The following ARFGAP1 variants were observed in gnomAD, a reference collection of about 807,000 sequenced individuals.
ARFGAP1 encodes the protein ADP-ribosylation factor GTPase-activating protein 1.
ARFGAP1 carries 26 observed loss-of-function variants against 54.0 expected under a neutral mutation model. That is an observed-to-expected ratio of 0.48 (90% confidence interval 0.35 to 0.67). The LOEUF (loss-of-function observed/expected upper bound fraction) is 0.67. Among genes scored for constraint, ARFGAP1 ranks in the 30% least tolerant of loss-of-function variants. ARFGAP1 has a pLI of 0.00. For missense variants in ARFGAP1, 525 were observed against 535.8 expected (o/e 0.98, Z 0.20); for synonymous variants, 248 against 211.9 (o/e 1.17, Z -1.48).
At chr20:63,277,387 C>T in intron 5 of ARFGAP1, 82 bp downstream of exon 5, 2 of 1,229,454 alleles carry the variant, frequency 1.6e-6, no homozygotes, top group Non-Finnish European at 2.2e-6. Flanking sequence ...GAATTCTCCC[C>T]TTCTTTGCTG....
At chr20:63,286,311 A>G in intron 11 of ARFGAP1, 55 bp from the exon 12 acceptor site, 1 of 1,604,966 alleles carries the variant, frequency 6.2e-7, no homozygotes, top group African/African-American at 1.3e-5. Context: ...GGGCCTCCTG[A>G]AGCTGCCTGT....
In ARFGAP1 at chr20:63,288,877, G is replaced by A. The variant is rs976035218; in HGVS notation, c.*1004G>A. 4 of 275,940 alleles carry A rather than the reference G, an allele frequency of 1.4e-5. No homozygotes were observed. The highest frequency in any genetic ancestry group is 3.8e-5 in the South Asian group (1 of 26,116). The allele number at this position is 275,940 out of a possible 1,614,324, so 17.1% of individuals were successfully genotyped here. ...GTCTTGGCCAGCCATGCATGCGCCC[G>A]AAGCTCGTGCAGTTTGTACGTGAGG... is the stretch of plus-strand genomic sequence containing the variant. On this transcript the variant is annotated 3_prime_UTR_variant, in exon 13 of 13. Transcript: ENST00000370283.
chr20:63,276,050 G>T lies in ARFGAP1; in HGVS notation c.61-41G>T, dbSNP rs1033628969. The T allele has an allele frequency of 1.9e-6, 3 of 1,590,318 alleles. No individual in the cohort carries two copies. Among genetic ancestry groups the T allele is most frequent in the Non-Finnish European group, 1.7e-6 (2 of 1,159,566 alleles). ...CGGGTCTTTGGGGTCCCTGGGCTCT[G>T]CCCTGAGCCACCTGGTGAGTCACTT... On this transcript the variant is annotated intron_variant, in intron 2 of 12. Transcript: ENST00000370283. The surrounding 1 kb of genome is among the most constrained non-coding windows in gnomAD (Gnocchi z 5.2).
chr20:63,273,696 C>T (rs745944572), intron 1 of ARFGAP1, among the ~76,000 whole-genome samples: 1 of 152,190 alleles, frequency 6.6e-6, no homozygotes, highest in South Asian at 2.1e-4. Flanking sequence ...GAAATTCCAG[C>T]CGTCTCCTCA....
chr20:63,286,326 C>A, intron 11 of ARFGAP1, 40 bp from the exon 12 acceptor site: 1 of 1,607,784 alleles, frequency 6.2e-7, no homozygotes, highest in Non-Finnish European at 8.5e-7. Flanking sequence ...GCCTGTGCCG[C>A]GACAGGGCCT....
rs2067378872 is a variant in ARFGAP1, at chr20:63,281,447, C to T, written c.684+100C>T. ...TGGGAGCTGCAGAAGGGATGTGGGACACAGAGGGTTTCTGGGTGCTGTAAC... is the reference window on the plus strand; with the variant it reads ...TGGGAGCTGCAGAAGGGATGTGGGATACAGAGGGTTTCTGGGTGCTGTAAC... On this transcript the variant is annotated intron_variant, in intron 8 of 12. Transcript: ENST00000370283. The T allele has an allele frequency of 4.3e-6, 6 of 1,402,832 alleles. No homozygotes were observed. In the East Asian group the frequency reaches 1.5e-4, roughly 35 times the overall value. 86.9% of individuals were successfully genotyped at this position (1,402,832 alleles called of 1,614,324 possible). A position where few individuals can be genotyped will look rare whatever the true frequency, so the allele number is the denominator to read the frequency against.
At chr20:63,283,677 G>T in intron 9 of ARFGAP1, 1 of 640,674 alleles carries the variant, frequency 1.6e-6, no homozygotes, top group East Asian at 2.9e-5. Flanking sequence ...GTTTCTGAAG[G>T]TGGTGGTCAG....
rs770255541 is a variant in ARFGAP1 at position 63,284,913 on chromosome 20, G to T, written c.765G>T (p.Ala255=). ...TGAACGAGAACGTCCTCAAGCCTGC[G>T]CAGGAGAAGGTAACGGGCAGCTCCG... ...HSLNENVLKP[A]QEKVKEGKIF... Residue 255 remains alanine, a synonymous_variant, in exon 10 of 13, where the codon GCG becomes GCT. Transcript: ENST00000370283. 5 of 1,613,192 alleles carry T rather than the reference G, an allele frequency of 3.1e-6. No individual in the cohort carries two copies. Among genetic ancestry groups the T allele is most frequent in the Admixed American group, 1.7e-5 (1 of 59,998 alleles).
chr20:63,287,987 C>A lies in ARFGAP1; in HGVS notation c.*114C>A. The A allele has an allele frequency of 8.0e-7, 1 of 1,254,678 alleles. No homozygotes were observed. The highest frequency in any genetic ancestry group is 1.1e-6 in the Non-Finnish European group (1 of 931,956). 77.7% of individuals were successfully genotyped at this position (1,254,678 alleles called of 1,614,324 possible). A position where few individuals can be genotyped will look rare whatever the true frequency, so the allele number is the denominator to read the frequency against. ...AGAATCAGCAACTGCAGTGTGAGGA[C>A]AGCGTCTCGGGAGGCAGGACCCTAG... On this transcript the variant is annotated 3_prime_UTR_variant, in exon 13 of 13. Transcript: ENST00000370283.
intron 8 of ARFGAP1, 105 bp downstream of exon 8, chr20:63,281,452 A>T: frequency 7.2e-7 from 1 of 1,387,980 alleles, no homozygotes; most frequent in South Asian, 1.3e-5. Flanking sequence ...TGGGACACAG[A>T]GGGTTTCTGG....
In ARFGAP1 at chr20:63,286,285, G is replaced by T. The variant is rs1243561337; in HGVS notation, c.835-81G>T. 4 of 1,595,024 alleles carry T rather than the reference G, an allele frequency of 2.5e-6. No homozygotes were observed. In the Admixed American group the frequency reaches 5.1e-5, roughly 20 times the overall value. ...GGGTCTTCTCAGCGGGACGGCGCGT[G>T]CCGGCTTGCGTGTGGGGGCCTCCTG... On this transcript the variant is annotated intron_variant, in intron 11 of 12. Transcript: ENST00000370283.
At chr20:63,286,495 T>C in intron 12 of ARFGAP1, 53 bp downstream of exon 12, 2 of 1,546,088 alleles carry the variant, frequency 1.3e-6, no homozygotes, top group Non-Finnish European at 1.8e-6. Flanking sequence ...CCTTGGCCAC[T>C]CCTCCTACAG....
intron 1 of ARFGAP1, chr20:63,273,190 C>T (rs1162551044): frequency 6.8e-6 from 1 of 146,110 alleles, no homozygotes; most frequent in African/African-American, 2.5e-5. Context: ...CCCTTCCGTA[C>T]GAAGCTGCCC....
At chr20:63,284,156 C>G (rs1015118007) in intron 9 of ARFGAP1, 1 of 1,318,970 alleles carries the variant, frequency 7.6e-7, no homozygotes, top group Middle Eastern at 2.9e-4. Context: ...ACCCCCAACG[C>G]AGGCCTGCTG....
At chr20:63,275,415 G>A (rs2067209944) in intron 1 of ARFGAP1, among the ~76,000 whole-genome samples, 162 bp from the exon 2 acceptor site, 1 of 152,190 alleles carries the variant, frequency 6.6e-6, no homozygotes, top group South Asian at 2.1e-4. Flanking sequence ...AGTGGTCCCT[G>A]CGGACCCCTG....
chr20:63,277,800 G>C (rs2067272410), intron 5 of ARFGAP1, among the ~76,000 whole-genome samples: 2 of 152,244 alleles, frequency 1.3e-5, no homozygotes, highest in Non-Finnish European at 2.9e-5. Flanking sequence ...GGAAGGCTTT[G>C]CACTGCGGGC....
In ARFGAP1 at chr20:63,287,615, C is replaced by T. The variant is rs1442022522; in HGVS notation, c.963C>T (p.Asn321=). ...ACAGCGGTCTGGACCACTTCCAAAA[C>T]AGCAACATAGACCAGAGCTTCTGGG... The part of the protein sequence containing the change: ...YQNSGLDHFQ[N]SNIDQSFWET... The change falls in exon 13 of 13, where the codon AAC becomes AAT. Residue 321 remains asparagine, a synonymous_variant. Coordinates refer to ENST00000370283, the MANE Select transcript of ARFGAP1 (RefSeq NM_018209.4). 2 of 1,612,008 alleles carry T rather than the reference C, an allele frequency of 1.2e-6. No homozygotes were observed. The highest frequency in any genetic ancestry group is 2.2e-5 in the South Asian group (2 of 91,058).
At chr20:63,280,665 G>A (rs2067356701) in intron 7 of ARFGAP1, among the ~76,000 whole-genome samples, 2 of 152,320 alleles carry the variant, frequency 1.3e-5, no homozygotes, top group South Asian at 4.1e-4. Flanking sequence ...GGGAAGAAAA[G>A]CGCATTTTTC....
chr20:63,275,170 G>A (rs1259660730), intron 1 of ARFGAP1, among the ~76,000 whole-genome samples: 1 of 152,252 alleles, frequency 6.6e-6, no homozygotes, highest in African/African-American at 2.4e-5. Flanking sequence ...CCCAAGTGTG[G>A]TGTGTCGCCT....
Sources: gnomAD v4.1 joint callset for allele counts (sites outside exome capture counted in the v4.1 genomes callset) on GRCh38, gnomAD v4.1.1 for gene constraint, Gnocchi (gnomAD v3.1) non-coding constraint, MANE v1.5 for transcripts, NCBI Gene and HGNC (gene_info 2026-07-23, HGNC 2026-07-21) for gene names.